Variants in MCC observed in about 807,000 individuals in gnomAD.
MCC encodes the protein MCC regulator of Wnt signaling pathway.
MCC carries 90 observed loss-of-function variants against 116.2 expected under a neutral mutation model. That is an observed-to-expected ratio of 0.77 (90% CI 0.65 to 0.92). The LOEUF is 0.92. Among genes scored for constraint, MCC ranks in the 40% least tolerant of loss-of-function variants. The probability of loss-of-function intolerance (pLI) is 0.00; values close to 1 mark genes in which losing one functional copy is unlikely to be tolerated. For missense variants in MCC, 1,516 were observed against 1,312.2 expected, an observed-to-expected ratio of 1.16 and a Z score of -2.40; for synonymous variants, 578 against 510.5, an observed-to-expected ratio of 1.13 and a Z score of -1.78.
At chr5:113,083,680 C>A (rs1755016389) in intron 10 of MCC, among the ~76,000 whole-genome samples, 1 of 152,204 alleles carries the variant, frequency 6.6e-6, no homozygotes, top group Admixed American at 6.5e-5. Flanking sequence ...TTTCCCACCA[C>A]TGGGCTAGGC....
intron 16 of MCC, among the ~76,000 whole-genome samples, chr5:113,044,687 A>G (rs934221527): frequency 1.3e-5 from 2 of 152,064 alleles, no homozygotes; most frequent in African/African-American, 2.4e-5. Context: ...CGATTCTCCC[A>G]CCTCAGCCTC....
At chr5:113,082,808 G>T in intron 11 of MCC, 52 bp downstream of exon 11, 1 of 1,594,812 alleles carries the variant, frequency 6.3e-7, no homozygotes, top group Non-Finnish European at 8.5e-7. Flanking sequence ...GAGAAGTGAG[G>T]AGTAGCACCT....
chr5:113,129,385 A>T (rs756182121), intron 5 of MCC, among the ~76,000 whole-genome samples: 13 of 152,334 alleles, frequency 8.5e-5, no homozygotes, highest in South Asian at 2.1e-4. Flanking sequence ...ATCATTGGTG[A>T]TTTTCAAGAA....
intron 2 of MCC, among the ~76,000 whole-genome samples, chr5:113,381,724 G>C (rs988889752): frequency 1.3e-5 from 2 of 152,104 alleles, no homozygotes; most frequent in African/African-American, 4.8e-5. Context: ...GGAGGTTGAG[G>C]CTGTAGTGAG....
chr5:113,256,661 C>G (rs1238257129), intron 3 of MCC, among the ~76,000 whole-genome samples: 1 of 149,560 alleles, frequency 6.7e-6, no homozygotes, highest in Non-Finnish European at 1.5e-5. Flanking sequence ...TATAATGAGT[C>G]CACTTCTGGA....
Position 113,250,080 on chromosome 5 carries a change from C to T in MCC, c.627+90439G>A, listed in dbSNP as rs1764736705. ...CATGCTGAAACCCAAATGGAAAAGA[C>T]TGTCTCCCCATAAGGCCAGCTTTGC... On this transcript the variant is annotated intron_variant, in intron 3 of 18. Coordinates refer to ENST00000408903, the MANE Select transcript of MCC (RefSeq NM_001085377.2). Among the ~76,000 whole-genome samples, 7 of 152,356 alleles carry T rather than the reference C, an allele frequency of 4.6e-5. No homozygotes were observed. The South Asian group carries it at 1.5e-3, about 32-fold the overall frequency.
intron 3 of MCC, among the ~76,000 whole-genome samples, chr5:113,238,891 G>A (rs1561478288): frequency 6.6e-6 from 1 of 152,144 alleles, no homozygotes; most frequent in Non-Finnish European, 1.5e-5. Context: ...TACAAGAAGA[G>A]GTACATATTT....
chr5:113,109,991 T>G (rs1231433928), intron 6 of MCC, among the ~76,000 whole-genome samples: 1 of 152,124 alleles, frequency 6.6e-6, no homozygotes, highest in Non-Finnish European at 1.5e-5. Context: ...AAAAATCTTT[T>G]TTTTTTCTCC....
chr5:113,242,119 G>C (rs1308202268), intron 3 of MCC, among the ~76,000 whole-genome samples: 1 of 152,216 alleles, frequency 6.6e-6, no homozygotes, highest in African/African-American at 2.4e-5. Context: ...ATCTTTGGCA[G>C]TAGACCAATA....
At chr5:113,405,731 C>G (rs1403550585) in intron 1 of MCC, among the ~76,000 whole-genome samples, 2 of 151,542 alleles carry the variant, frequency 1.3e-5, no homozygotes, top group Non-Finnish European at 2.9e-5. Flanking sequence ...CCTTTGAGCT[C>G]AGGAATGCGA....
At chr5:113,294,791 A>G in intron 3 of MCC, 2 of 987,362 alleles carry the variant, frequency 2.0e-6, no homozygotes, top group Non-Finnish European at 2.4e-6. Flanking sequence ...GACACCCTAG[A>G]GGGCACCGGC....
At chr5:113,138,774 G>C (rs1759000955) in intron 5 of MCC, among the ~76,000 whole-genome samples, 1 of 152,080 alleles carries the variant, frequency 6.6e-6, no homozygotes, top group African/African-American at 2.4e-5. Context: ...TAAGAATATG[G>C]TTCTCTCTTT....
At chr5:113,124,144 A>C (rs1447385770) in intron 5 of MCC, among the ~76,000 whole-genome samples, 1 of 152,262 alleles carries the variant, frequency 6.6e-6, no homozygotes, top group East Asian at 1.9e-4. Flanking sequence ...TGTAGATATA[A>C]AGCCCCATGA....
intron 3 of MCC, among the ~76,000 whole-genome samples, chr5:113,325,068 G>A (rs1187857374): frequency 6.6e-5 from 10 of 151,996 alleles, no homozygotes; most frequent in African/African-American, 2.4e-4. Context: ...TCAAACTCCT[G>A]GGCTCAAGCG....
At chr5:113,240,064 A>G (rs1252674907) in intron 3 of MCC, among the ~76,000 whole-genome samples, 2 of 152,198 alleles carry the variant, frequency 1.3e-5, no homozygotes, top group Non-Finnish European at 2.9e-5. Context: ...TGCAAATTAA[A>G]TCTTCATAAG....
At chr5:113,317,599 G>T (rs1767317294) in intron 3 of MCC, among the ~76,000 whole-genome samples, 1 of 152,182 alleles carries the variant, frequency 6.6e-6, no homozygotes, top group South Asian at 2.1e-4. Context: ...TGATGACAGG[G>T]AAAGAGCTGT....
intron 3 of MCC, among the ~76,000 whole-genome samples, chr5:113,205,599 G>A (rs9326880): frequency 6.6e-6 from 1 of 152,240 alleles, no homozygotes. Context: ...TGCTATCAGA[G>A]GGCATGTTCT....
intron 1 of MCC, among the ~76,000 whole-genome samples, chr5:113,486,130 C>G (rs1772517254): frequency 6.6e-6 from 1 of 152,194 alleles, no homozygotes; most frequent in Non-Finnish European, 1.5e-5. Flanking sequence ...AGACAAGTTC[C>G]TTGTTGCCCT....
At chr5:113,306,828 C>T (rs1766997766) in intron 3 of MCC, among the ~76,000 whole-genome samples, 1 of 151,766 alleles carries the variant, frequency 6.6e-6, no homozygotes, top group Non-Finnish European at 1.5e-5. Flanking sequence ...CTATTGTTTT[C>T]CTCTAATAAT....
Sources: gnomAD v4.1 joint callset for allele counts (sites outside exome capture counted in the v4.1 genomes callset) on GRCh38, gnomAD v4.1.1 for gene constraint, MANE v1.5 for transcripts, NCBI Gene and HGNC (gene_info 2026-07-23, HGNC 2026-07-21) for gene names.